The following MICAL2 variants were observed in gnomAD, a reference collection of about 807,000 sequenced individuals.
The protein encoded by MICAL2 is microtubule associated monooxygenase, calponin and LIM domain containing 2.
In MICAL2, 77 loss-of-function variants were observed where a neutral mutation model predicts 127.3. That is an observed-to-expected ratio of 0.60 (90% CI 0.50 to 0.73). The LOEUF (loss-of-function observed/expected upper bound fraction) is 0.73, where lower values mean the gene tolerates loss of function less well. MICAL2 is among the 30% of genes least tolerant of loss of function. MICAL2 has a pLI of 0.00. For synonymous variants in MICAL2, 570 were observed against 551.1 expected, an observed-to-expected ratio of 1.03 and a Z score of -0.48; for missense variants, 1,351 against 1,434.4, an observed-to-expected ratio of 0.94 and a Z score of 0.94.
Position 12,330,883 on chromosome 11 carries a change from CAGAGAG to C in MICAL2, c.5515+3630_5515+3635del, listed in dbSNP as rs1201995121. On this transcript the variant is annotated intron_variant, in intron 32 of 34. Transcript: ENST00000646065. ...GGGTAGAGAGAGAGAGAGAGAGAGA[CAGAGAG>C]AGAGAGAGAGAGTGTGTGTGTGTGT... Among the ~76,000 whole-genome samples the C allele has an allele frequency of 2.2e-3, 244 of 112,906 alleles. 1 individual carries two copies. Among genetic ancestry groups the C allele is most frequent in the African/African-American group, 8.9e-3 (228 of 25,600 alleles). 74.1% of individuals were successfully genotyped at this position (112,906 alleles called of 152,430 possible).
At chr11:12,216,139 TAGTG>T in intron 7 of MICAL2, 76 bp from the exon 8 acceptor site, 1 of 1,044,488 alleles carries the variant, frequency 9.6e-7, no homozygotes, top group South Asian at 1.3e-5. Flanking sequence ...ACAAGACCAA[TAGTG>T]AGGCAAAGTA....
chr11:12,162,346 C>T lies in MICAL2; in HGVS notation c.191C>T (p.Ala64Val), dbSNP rs755371881. 1 of 1,614,238 alleles carries T rather than the reference C, an allele frequency of 6.2e-7. No homozygotes were observed. Among genetic ancestry groups the T allele is most frequent in the South Asian group, 1.1e-5 (1 of 91,078 alleles). Residue 64 changes from alanine to valine, a missense_variant, in exon 3 of 28, where the codon GCC becomes GTC. Transcript: ENST00000683283. ...KSKVTTWKAK[A>V]LWYKLDKRGS... is the part of the protein sequence containing the mutation. ...AAGGTGACCACCTGGAAAGCCAAAG[C>T]CCTGTGGTACAAATTGGATAAGCGT...
At chr11:12,242,539 GTCTC>G (rs1339500515) in intron 19 of MICAL2, 107 bp downstream of exon 19, 10 of 1,432,278 alleles carry the variant, frequency 7.0e-6, no homozygotes, top group Non-Finnish European at 6.8e-6. Flanking sequence ...CCCACCCCCT[GTCTC>G]TCATCCTGCT....
At chr11:12,341,845 A>G (rs1361217136) in intron 32 of MICAL2, among the ~76,000 whole-genome samples, 1 of 152,180 alleles carries the variant, frequency 6.6e-6, no homozygotes, top group African/African-American at 2.4e-5. Context: ...AAGAAAAGAA[A>G]AGAAAAAAGT....
chr11:12,342,168 C>G (rs897631738), intron 32 of MICAL2, among the ~76,000 whole-genome samples: 1 of 152,248 alleles, frequency 6.6e-6, no homozygotes, highest in African/African-American at 2.4e-5. Context: ...CTGGGCCATT[C>G]TATTCACAGG....
intron 16 of MICAL2, among the ~76,000 whole-genome samples, chr11:12,239,003 C>T (rs1323777198): frequency 1.3e-5 from 2 of 152,144 alleles, no homozygotes; most frequent in East Asian, 1.9e-4. Context: ...CTTCATTGGC[C>T]CCCAACCCCT....
intron 25 of MICAL2, among the ~76,000 whole-genome samples, chr11:12,259,493 G>A (rs1862808853): frequency 6.6e-6 from 1 of 152,176 alleles, no homozygotes; most frequent in South Asian, 2.1e-4. Flanking sequence ...TTTTTACAGT[G>A]TATGCTAGTA....
intron 2 of MICAL2, among the ~76,000 whole-genome samples, chr11:12,142,847 G>A (rs1331171186): frequency 6.6e-6 from 1 of 152,216 alleles, no homozygotes; most frequent in Non-Finnish European, 1.5e-5. Context: ...TGACTCTAAA[G>A]CCCTTCCTGG....
chr11:12,228,121 G>A (rs1313683345), intron 15 of MICAL2, among the ~76,000 whole-genome samples: 1 of 152,220 alleles, frequency 6.6e-6, no homozygotes, highest in South Asian at 2.1e-4. Flanking sequence ...CTGAGGTCAG[G>A]AGTTTGAGAC....
At chr11:12,165,165 G>T (rs989941770) in intron 3 of MICAL2, among the ~76,000 whole-genome samples, 52 of 33,184 alleles carry the variant, frequency 1.6e-3, no homozygotes, top group African/African-American at 3.5e-3. Context: ...AGAAAAGAAA[G>T]AAAGAAAGAA....
chr11:12,130,206 G>A (rs551884922), intron 1 of MICAL2, among the ~76,000 whole-genome samples: 10 of 152,220 alleles, frequency 6.6e-5, no homozygotes, highest in Non-Finnish European at 1.2e-4. Context: ...GACAATGGGG[G>A]AGAGCATTGT....
rs1225281125 is a variant in MICAL2 at position 12,129,893 on chromosome 11, G to A, written c.-148-8497G>A. Among the ~76,000 whole-genome samples, 3 of 151,908 alleles carry A rather than the reference G, an allele frequency of 2.0e-5. No individual in the cohort carries two copies. The East Asian group carries it at 5.8e-4, about 29-fold the overall frequency. Reference sequence around the variant, plus strand: ...TGGCTAATTTTTTCTTTTGTTTTTAGTTGAGACAGGGTCTCCCTGTGTTGC... The same window carrying A: ...TGGCTAATTTTTTCTTTTGTTTTTAATTGAGACAGGGTCTCCCTGTGTTGC... On this transcript the variant is annotated intron_variant, in intron 1 of 27. Transcript: ENST00000683283.
At chr11:12,132,067 A>C (rs1851462694) in intron 1 of MICAL2, among the ~76,000 whole-genome samples, 3 of 152,322 alleles carry the variant, frequency 2.0e-5, no homozygotes, top group African/African-American at 7.2e-5. Flanking sequence ...CACAACAGAC[A>C]GGCAGCAAGG....
At chr11:12,241,563 G>A (rs1331556611) in intron 18 of MICAL2, among the ~76,000 whole-genome samples, 1 of 152,232 alleles carries the variant, frequency 6.6e-6, no homozygotes, top group Non-Finnish European at 1.5e-5. Context: ...CCATTGAAGG[G>A]GTAAGGCTGG....
chr11:12,289,558 T>C (rs1863870321), downstream of MICAL2, among the ~76,000 whole-genome samples: 6 of 23,970 alleles, frequency 2.5e-4, no homozygotes, highest in Non-Finnish European at 1.2e-3. Context: ...CACCTCTTGT[T>C]TTTTTTTGTT....
intron 21 of MICAL2, 145 bp from the exon 22 acceptor site, chr11:12,249,039 C>T (rs1392423199): frequency 9.9e-7 from 1 of 1,012,814 alleles, no homozygotes; most frequent in Non-Finnish European, 1.4e-6. Context: ...AGCAACTACT[C>T]TTGAGGGTAA....
At chr11:12,125,184 C>T (rs1850815884) in intron 1 of MICAL2, among the ~76,000 whole-genome samples, 1 of 152,226 alleles carries the variant, frequency 6.6e-6, no homozygotes, top group Non-Finnish European at 1.5e-5. Flanking sequence ...TATCTCTATG[C>T]CTTAGTTCTT....
At chr11:12,222,516 G>C in intron 10 of MICAL2, 101 bp from the exon 11 acceptor site, 1 of 1,477,534 alleles carries the variant, frequency 6.8e-7, no homozygotes, top group Non-Finnish European at 9.3e-7. Flanking sequence ...AACATGTCCA[G>C]GAAGCCCTTG....
intron 3 of MICAL2, among the ~76,000 whole-genome samples, chr11:12,177,048 G>T (rs1856919185): frequency 6.6e-6 from 1 of 152,124 alleles, no homozygotes; most frequent in African/African-American, 2.4e-5. Flanking sequence ...GGGTCAAATG[G>T]TAATTCTATT....
Sources: gnomAD v4.1 joint callset for allele counts (sites outside exome capture counted in the v4.1 genomes callset) on GRCh38, gnomAD v4.1.1 for gene constraint, MANE v1.5 for transcripts, NCBI Gene and HGNC (gene_info 2026-07-23, HGNC 2026-07-21) for gene names.